SLC26A8: variants seen among roughly 807,000 people sequenced by gnomAD.
SLC26A8 encodes the protein testis anion transporter 1.
A neutral mutation model predicts 105.0 loss-of-function variants in SLC26A8; 70 were observed. The observed-to-expected ratio is 0.67, with a 90% CI of 0.55 to 0.81. The LOEUF (loss-of-function observed/expected upper bound fraction) is 0.81, where lower values mean the gene tolerates loss of function less well. Among genes scored for constraint, SLC26A8 ranks in the 40% least tolerant of loss-of-function variants. SLC26A8 has a pLI of 0.00. For synonymous variants in SLC26A8, 415 were observed against 438.3 expected, an observed-to-expected ratio of 0.95 and a Z score of 0.66; for missense variants, 998 against 1,181.8, an observed-to-expected ratio of 0.84 and a Z score of 2.28.
chr6:35,998,564 A>G (rs908048965), intron 4 of SLC26A8, among the ~76,000 whole-genome samples: 34 of 151,968 alleles, frequency 2.2e-4, no homozygotes, highest in Middle Eastern at 3.4e-3. Context: ...TCAAAAAAAA[A>G]AAAAGAAAAG....
chr6:35,948,351 G>A (rs1317310540), intron 19 of SLC26A8, among the ~76,000 whole-genome samples: 1 of 152,216 alleles, frequency 6.6e-6, no homozygotes, highest in Admixed American at 6.5e-5. Flanking sequence ...CATTTTGGGA[G>A]GCTAAGGTGG....
chr6:35,971,756 T>A (rs1053395059), intron 10 of SLC26A8, among the ~76,000 whole-genome samples: 1 of 152,170 alleles, frequency 6.6e-6, no homozygotes, highest in Non-Finnish European at 1.5e-5. Flanking sequence ...CACGGCCCCA[T>A]TGACTTCCTC....
intron 11 of SLC26A8, among the ~76,000 whole-genome samples, chr6:35,963,109 G>A (rs771874025): frequency 1.6e-4 from 25 of 152,126 alleles, no homozygotes; most frequent in Non-Finnish European, 3.1e-4. Context: ...TACTCACATA[G>A]ACAGTGAGAG....
chr6:35,991,849 A>G, intron 6 of SLC26A8, 41 bp from the exon 7 acceptor site: 1 of 1,516,910 alleles, frequency 6.6e-7, no homozygotes, highest in Non-Finnish European at 8.8e-7. Flanking sequence ...AAAGGGATGT[A>G]GTAATTGCCT....
chr6:35,999,990 A>G lies in SLC26A8; in HGVS notation c.445+2T>C. The G allele has an allele frequency of 6.3e-7, 1 of 1,597,884 alleles. No homozygotes were observed. Among genetic ancestry groups the G allele is most frequent in the South Asian group, 1.1e-5 (1 of 90,748 alleles). On this transcript the variant is annotated splice_donor_variant, in intron 4 of 19. Transcript: ENST00000490799. LOFTEE classifies it high-confidence loss of function. The stretch of plus-strand genomic sequence containing the variant: ...GCATGTGTATTTCAGTGCTGAACTC[A>G]CCAATGGACATTTGATGACACGATC...
intron 19 of SLC26A8, among the ~76,000 whole-genome samples, chr6:35,948,392 C>A (rs1010282594): frequency 1.3e-5 from 2 of 152,022 alleles, no homozygotes; most frequent in Non-Finnish European, 2.9e-5. Flanking sequence ...AGTTCGAGAC[C>A]AGCCTGGGCA....
Position 35,943,979 on chromosome 6 carries a change from G to C in SLC26A8, c.2834C>G (p.Thr945Ser). Residue 945 changes from threonine (T) to serine (S), a missense_variant, in exon 20 of 20, where the codon ACT (threonine) becomes AGT (serine). Coordinates refer to ENST00000490799, the MANE Select transcript of SLC26A8 (RefSeq NM_052961.4). ...SMASTQSQTQ[T>S]RTWSVERRRH... is the part of the protein sequence containing the mutation. ...TCTCCTCTCCACTGACCATGTCCGA[G>C]TCTGAGTCTGAGACTGGGTGGAAGC... The C allele has an allele frequency of 6.2e-7, 1 of 1,614,178 alleles. No individual in the cohort carries two copies. Among genetic ancestry groups the C allele is most frequent in the South Asian group, 1.1e-5 (1 of 91,084 alleles).
chr6:35,955,139 C>A lies in SLC26A8; in HGVS notation c.2232+13G>T, dbSNP rs35182854. ...GGGATCAGAGCTCCTGCCAAGGCCT[C>A]CTCAGTACTTACCTGTCTTAATACG... On this transcript the variant is annotated intron_variant, in intron 17 of 19. Transcript: ENST00000490799. 6.2e-7 allele frequency: 1 copy of A among 1,614,012 alleles called. No homozygotes were observed. The highest frequency in any genetic ancestry group is 8.5e-7 in the Non-Finnish European group (1 of 1,180,012).
chr6:35,960,896 G>C lies in SLC26A8; in HGVS notation c.1585C>G (p.Leu529Val), dbSNP rs750390863. 1.2e-6 allele frequency: 2 copies of C among 1,614,142 alleles called. No individual in the cohort carries two copies. Among genetic ancestry groups the C allele is most frequent in the Non-Finnish European group, 1.7e-6 (2 of 1,180,020 alleles). ...ATGTTGGTGTTAGGGATTTGACCCAGGAGAAGAATCTTAGCTCTGAAAGGA... is the reference window on the plus strand; with the variant it reads ...ATGTTGGTGTTAGGGATTTGACCCACGAGAAGAATCTTAGCTCTGAAAGGA... ...VRSHRAKILL[L>V]GQIPNTNIYR... Residue 529 changes from leucine to valine, a missense_variant, in exon 14 of 20, where the codon CTG becomes GTG. Physicochemically the swap from Leu to Val is conservative, Grantham distance 32. Coordinates refer to ENST00000490799, the MANE Select transcript of SLC26A8 (RefSeq NM_052961.4).
At chr6:36,019,414 C>T (rs1330211009) in intron 2 of SLC26A8, 106 bp downstream of exon 2, 21 of 1,225,384 alleles carry the variant, frequency 1.7e-5, no homozygotes, top group Admixed American at 2.9e-5. Flanking sequence ...CTGCATGATT[C>T]TGATTACAGG....
chr6:36,015,966 T>A (rs1761984646), intron 2 of SLC26A8, among the ~76,000 whole-genome samples: 1 of 151,868 alleles, frequency 6.6e-6, no homozygotes, highest in Non-Finnish European at 1.5e-5. Context: ...AAGATTACTA[T>A]AATGATGTAG....
rs1244058412 is a variant in SLC26A8 at position 36,019,625 on chromosome 6, T to G, written c.83A>C (p.Glu28Ala). The G allele has an allele frequency of 6.2e-7, 1 of 1,614,194 alleles. No homozygotes were observed. Among genetic ancestry groups the G allele is most frequent in the Admixed American group, 1.7e-5 (1 of 60,024 alleles). The change falls in exon 2 of 20, where the codon GAA becomes GCA. Residue 28 changes from glutamate to alanine, a missense_variant. Glu to Ala is a moderately radical substitution (Grantham distance 107, BLOSUM62 -1). Transcript: ENST00000490799. ...RNSFAYDVKR[E>A]VYNEETFQQE... ...TTGAAAGGTCTCCTCATTGTATACTTCACGCTTAACATCATATGCGAATGA... is the reference window on the plus strand; with the variant it reads ...TTGAAAGGTCTCCTCATTGTATACTGCACGCTTAACATCATATGCGAATGA...
At chr6:35,980,462 T>C (rs1417840662) in intron 8 of SLC26A8, among the ~76,000 whole-genome samples, 1 of 152,156 alleles carries the variant, frequency 6.6e-6, no homozygotes, top group Non-Finnish European at 1.5e-5. Context: ...GAAGACAATA[T>C]CTACCTCAAA....
intron 5 of SLC26A8, among the ~76,000 whole-genome samples, chr6:35,993,978 T>C (rs1000559908): frequency 6.6e-6 from 1 of 152,092 alleles, no homozygotes; most frequent in African/African-American, 2.4e-5. Context: ...AAGCTTACAA[T>C]CATCACTTCA....
intron 1 of SLC26A8, among the ~76,000 whole-genome samples, chr6:36,020,362 C>T (rs557905073): frequency 1.4e-4 from 21 of 152,298 alleles, no homozygotes; most frequent in African/African-American, 4.8e-4. Flanking sequence ...TGAATGACTG[C>T]CAAGTATACA....
At chr6:35,984,234 T>C (rs1218349594) in intron 7 of SLC26A8, among the ~76,000 whole-genome samples, 1 of 151,810 alleles carries the variant, frequency 6.6e-6, no homozygotes, top group Non-Finnish European at 1.5e-5. Flanking sequence ...CTCCCCTACC[T>C]CACCTCACCT....
At chr6:35,982,300 C>G in intron 7 of SLC26A8, 97 bp from the exon 8 acceptor site, 1 of 1,164,716 alleles carries the variant, frequency 8.6e-7, no homozygotes, top group East Asian at 2.4e-5. Context: ...TCTGGCAGGA[C>G]AGAAAATGAA....
chr6:35,992,695 G>A, intron 5 of SLC26A8, 21 bp from the exon 6 acceptor site: 1 of 1,586,824 alleles, frequency 6.3e-7, no homozygotes, highest in Non-Finnish European at 8.6e-7. Context: ...GAGAAAACCA[G>A]AGTGGGGTAG....
intron 12 of SLC26A8, 31 bp from the exon 13 acceptor site, chr6:35,961,130 T>A: frequency 6.4e-7 from 1 of 1,561,206 alleles, no homozygotes; most frequent in Non-Finnish European, 8.8e-7. Context: ...GGGAAAATGA[T>A]CATGAAAACA....
Sources: gnomAD v4.1 joint callset for allele counts (sites outside exome capture counted in the v4.1 genomes callset) on GRCh38, gnomAD v4.1.1 for gene constraint, MANE v1.5 for transcripts, NCBI Gene and HGNC (gene_info 2026-07-23, HGNC 2026-07-21) for gene names.